The following PLPPR1 variants were observed in gnomAD, a reference collection of about 807,000 sequenced individuals.
The protein encoded by PLPPR1 is phospholipid phosphatase related 1.
In PLPPR1, 10 loss-of-function variants were observed where a neutral mutation model predicts 33.1. The observed-to-expected ratio is 0.30, with a 90% CI of 0.19 to 0.51. The LOEUF is 0.51. PLPPR1 is among the 20% of genes least tolerant of loss of function. PLPPR1 has a pLI of 0.97. For synonymous variants in PLPPR1, 151 were observed against 151.0 expected (o/e 1.00, Z 0.00); for missense variants, 304 against 408.1 (o/e 0.74, Z 2.20).
intron 2 of PLPPR1, among the ~76,000 whole-genome samples, chr9:101,213,094 C>A (rs1226211703): frequency 6.6e-6 from 1 of 152,058 alleles, no homozygotes; most frequent in Non-Finnish European, 1.5e-5. Context: ...TTAAATTGCC[C>A]AAGATGATTA....
chr9:101,283,764 T>A (rs2118912725), intron 3 of PLPPR1, among the ~76,000 whole-genome samples: 1 of 152,096 alleles, frequency 6.6e-6, no homozygotes, highest in African/African-American at 2.4e-5. Flanking sequence ...CTAATAAAGA[T>A]TATTAAAATA....
chr9:101,077,112 C>T (rs1263899650), intron 1 of PLPPR1, among the ~76,000 whole-genome samples: 1 of 152,170 alleles, frequency 6.6e-6, no homozygotes, highest in Non-Finnish European at 1.5e-5. Flanking sequence ...GGGCAAATCC[C>T]TCACACCCCA....
chr9:101,227,028 C>T (rs1041893611), intron 2 of PLPPR1, among the ~76,000 whole-genome samples: 1 of 152,094 alleles, frequency 6.6e-6, no homozygotes, highest in Non-Finnish European at 1.5e-5. Flanking sequence ...CAAGCCCCAG[C>T]AAAGGTGCCT....
chr9:101,154,528 C>T (rs1460207906), intron 1 of PLPPR1, among the ~76,000 whole-genome samples: 3 of 152,014 alleles, frequency 2.0e-5, no homozygotes, highest in Non-Finnish European at 4.4e-5. Context: ...TGATGGTAGT[C>T]TGTATTTCTG....
chr9:101,089,090 G>A (rs10989395), intron 1 of PLPPR1, among the ~76,000 whole-genome samples: 8,115 of 152,122 alleles, frequency 0.053, 382 homozygotes, highest in African/African-American at 0.12. Context: ...GGAGACTGGC[G>A]TATAATAGTG....
chr9:101,039,922 TAAAAA>T (rs36061660), intron 1 of PLPPR1, among the ~76,000 whole-genome samples: 2 of 134,960 alleles, frequency 1.5e-5, no homozygotes, highest in Admixed American at 1.5e-4. Context: ...TATTGCCTCC[TAAAAA>T]AAAAAAAAAA....
intron 1 of PLPPR1, among the ~76,000 whole-genome samples, chr9:101,041,898 T>C (rs1830082224): frequency 6.6e-6 from 1 of 152,152 alleles, no homozygotes; most frequent in Non-Finnish European, 1.5e-5. Flanking sequence ...CTAAACCAAT[T>C]GAAAAGAAAT....
rs4548240 is a variant in PLPPR1 at position 101,145,458 on chromosome 9, T to G, written c.-45-39992T>G. ...GTGCAATGGCATGATCTTGGCTCAC[T>G]GCAACCTCCGCCTCCCAGGTTCAAG... On this transcript the variant is annotated intron_variant, in intron 1 of 7. Transcript: ENST00000374874. Among the ~76,000 whole-genome samples, 963 of 152,248 alleles carry G rather than the reference T, an allele frequency of 6.3e-3. 10 individuals carry two copies. Among genetic ancestry groups the G allele is most frequent in the African/African-American group, 0.022 (901 of 41,558 alleles).
chr9:101,273,917 A>G (rs72741497), intron 3 of PLPPR1, among the ~76,000 whole-genome samples: 14,047 of 152,248 alleles, frequency 0.092, 877 homozygotes, highest in Non-Finnish European at 0.14. Context: ...AAAACTTTAC[A>G]AAGAATTTTC....
chr9:101,275,199 C>G (rs16936049), intron 3 of PLPPR1, among the ~76,000 whole-genome samples: 4,393 of 152,264 alleles, frequency 0.029, 207 homozygotes, highest in African/African-American at 0.099. Context: ...TCAATGTGGA[C>G]TTGTCTGTCC....
chr9:101,280,145 A>C (rs1828271712), intron 3 of PLPPR1, among the ~76,000 whole-genome samples: 1 of 152,172 alleles, frequency 6.6e-6, no homozygotes, highest in Admixed American at 6.5e-5. Flanking sequence ...GGATCCTTAG[A>C]GACTACTATG....
chr9:101,277,804 A>C (rs1426725190), intron 3 of PLPPR1, among the ~76,000 whole-genome samples: 1 of 152,210 alleles, frequency 6.6e-6, no homozygotes. Context: ...GTTTCAACAC[A>C]CATTCTTGCC....
At chr9:101,091,122 C>T (rs1341386277) in intron 1 of PLPPR1, among the ~76,000 whole-genome samples, 1 of 152,062 alleles carries the variant, frequency 6.6e-6, no homozygotes, top group Non-Finnish European at 1.5e-5. Context: ...TTGCAGAACT[C>T]CAAATTCAAT....
chr9:101,284,447 C>T (rs917199666), intron 3 of PLPPR1, among the ~76,000 whole-genome samples: 1 of 152,116 alleles, frequency 6.6e-6, no homozygotes, highest in African/African-American at 2.4e-5. Context: ...AGATCTATTA[C>T]ACAATACTGT....
chr9:101,056,165 C>T (rs550972259), intron 1 of PLPPR1, among the ~76,000 whole-genome samples: 4 of 152,208 alleles, frequency 2.6e-5, no homozygotes, highest in Non-Finnish European at 4.4e-5. Flanking sequence ...AGAAGAAACC[C>T]AGTGCTTGTG....
chr9:101,301,783 G>A (rs1219323342), intron 4 of PLPPR1, among the ~76,000 whole-genome samples: 1 of 152,202 alleles, frequency 6.6e-6, no homozygotes, highest in Non-Finnish European at 1.5e-5. Flanking sequence ...TGAGAAAAGT[G>A]CCTTATTCAA....
chr9:101,200,161 A>G (rs1826468065), intron 2 of PLPPR1, among the ~76,000 whole-genome samples: 1 of 152,146 alleles, frequency 6.6e-6, no homozygotes, highest in Non-Finnish European at 1.5e-5. Flanking sequence ...GTCCTCAACT[A>G]AAGAAGGAGG....
chr9:101,067,573 T>C (rs1454896712), intron 1 of PLPPR1, among the ~76,000 whole-genome samples: 1 of 152,090 alleles, frequency 6.6e-6, no homozygotes, highest in Non-Finnish European at 1.5e-5. Flanking sequence ...GAAAGAACTC[T>C]TGAAAGAACA....
At chr9:101,195,458 T>C (rs1362842879) in intron 2 of PLPPR1, among the ~76,000 whole-genome samples, 3 of 152,148 alleles carry the variant, frequency 2.0e-5, no homozygotes, top group African/African-American at 7.2e-5. Context: ...GCTGGGTTTT[T>C]TATTCATTAA....
Sources: gnomAD v4.1 joint callset for allele counts (sites outside exome capture counted in the v4.1 genomes callset) on GRCh38, gnomAD v4.1.1 for gene constraint, MANE v1.5 for transcripts, NCBI Gene and HGNC (gene_info 2026-07-23, HGNC 2026-07-21) for gene names.